COL11A2: variants seen among roughly 807,000 people sequenced by gnomAD.
The protein encoded by COL11A2 is collagen alpha-2(XI) chain.
A neutral mutation model predicts 273.4 loss-of-function variants in COL11A2; 116 were observed. The observed-to-expected ratio is 0.42, with a 90% CI of 0.36 to 0.49. The LOEUF (loss-of-function observed/expected upper bound fraction) is 0.49. COL11A2 is among the 20% of genes least tolerant of loss of function. The probability of loss-of-function intolerance (pLI) is 0.00; values close to 1 mark genes in which losing one functional copy is unlikely to be tolerated. For missense variants in COL11A2, 1,866 were observed against 2,309.0 expected, an observed-to-expected ratio of 0.81 and a Z score of 3.93; for synonymous variants, 782 against 864.2, an observed-to-expected ratio of 0.90 and a Z score of 1.67.
chr6:33,169,703 G>C lies in COL11A2; in HGVS notation c.3690+128C>G. 1 of 1,263,610 alleles carries C rather than the reference G, an allele frequency of 7.9e-7. No homozygotes were observed. The highest frequency in any genetic ancestry group is 1.2e-6 in the Non-Finnish European group (1 of 862,336). The allele number at this position is 1,263,610 out of a possible 1,614,324, so 78.3% of individuals were successfully genotyped here. On this transcript the variant is annotated intron_variant, in intron 50 of 65. Transcript: ENST00000341947. This position sits in a 1 kb window ranked among gnomAD's most constrained non-coding sequence, Gnocchi z 5.5. ...CTCAGACCAGGGATCAGGCCTCATA[G>C]AGGATGGCAGGGAGCAGAGACTCTT... is the stretch of plus-strand genomic sequence containing the variant.
In COL11A2 at chr6:33,163,354, A is replaced by T; in HGVS notation, c.*324T>A. On this transcript the variant is annotated 3_prime_UTR_variant, in exon 66 of 66. Coordinates refer to ENST00000341947, the MANE Select transcript of COL11A2 (RefSeq NM_080680.3). The surrounding 1 kb of genome is among the most constrained non-coding windows in gnomAD (Gnocchi z 4.1). ...TTAAATAATTAATACAATTACTTTT[A>T]AATACAAAATACGCCATGTCCTTTC... is the stretch of plus-strand genomic sequence containing the variant. The T allele has an allele frequency of 2.3e-6, 1 of 427,850 alleles. No individual in the cohort carries two copies. Among genetic ancestry groups the T allele is most frequent in the Non-Finnish European group, 4.2e-6 (1 of 239,582 alleles). 26.5% of individuals were successfully genotyped at this position (427,850 alleles called of 1,614,324 possible).
chr6:33,171,014 C>A (rs1769967596), intron 45 of COL11A2, 97 bp from the exon 46 acceptor site: 2 of 1,577,314 alleles, frequency 1.3e-6, no homozygotes, highest in Admixed American at 1.7e-5. Context: ...GGGTGCCAGG[C>A]CCAGAGCCCC....
At position 33,164,239 on chromosome 6, in the gene COL11A2, C is replaced by G; in HGVS notation, c.5070+28G>C. 6.2e-7 allele frequency: 1 copy of G among 1,611,568 alleles called. No individual in the cohort carries two copies. Among genetic ancestry groups the G allele is most frequent in the Middle Eastern group, 1.6e-4 (1 of 6,062 alleles). Reference sequence around the variant, plus strand: ...TCCTCCAGCCTGAGTCTGAGATCAGCCCCCAACCCAGCTCTTCCTGTTCCC... The same window carrying G: ...TCCTCCAGCCTGAGTCTGAGATCAGGCCCCAACCCAGCTCTTCCTGTTCCC... On this transcript the variant is annotated intron_variant, in intron 65 of 65. Transcript: ENST00000341947. This position sits in a 1 kb window ranked among gnomAD's most constrained non-coding sequence, Gnocchi z 4.7.
chr6:33,186,384 A>T, intron 5 of COL11A2: 1 of 1,409,930 alleles, frequency 7.1e-7, no homozygotes, highest in Non-Finnish European at 9.2e-7. Context: ...ACCCAGGGAC[A>T]CAGTTCCAGG....
chr6:33,192,478 A>G, upstream of COL11A2: 1 of 559,956 alleles, frequency 1.8e-6, no homozygotes, highest in Non-Finnish European at 3.2e-6. Context: ...GTCCCCGGCC[A>G]CCCTGGCGCC....
At chr6:33,188,076 T>C (rs1246701267) in intron 4 of COL11A2, among the ~76,000 whole-genome samples, 1 of 149,882 alleles carries the variant, frequency 6.7e-6, no homozygotes, top group Non-Finnish European at 1.5e-5. Context: ...AGTGAGTGAA[T>C]TGATGGGTGG....
intron 12 of COL11A2, among the ~76,000 whole-genome samples, 172 bp downstream of exon 12, chr6:33,180,086 A>G (rs1771519285): frequency 6.6e-6 from 1 of 152,128 alleles, no homozygotes; most frequent in African/African-American, 2.4e-5. Flanking sequence ...GTTCTAGGTC[A>G]CCTAATGAGG....
At position 33,176,627 on chromosome 6, in the gene COL11A2, A is replaced by C. The variant is rs1203454896; in HGVS notation, c.2115+94T>G. On this transcript the variant is annotated intron_variant, in intron 26 of 65. Transcript: ENST00000341947. The surrounding 1 kb of genome is among the most constrained non-coding windows in gnomAD (Gnocchi z 4.9). The stretch of plus-strand genomic sequence containing the variant: ...CAGGAATTGAGAATGTGGCAGAGCC[A>C]TATGAATAATGAGACAAGGGAATCC... 2.8e-6 allele frequency: 4 copies of C among 1,407,914 alleles called. No homozygotes were observed. The African/African-American group carries it at 5.7e-5, about 20-fold the overall frequency. The allele number at this position is 1,407,914 out of a possible 1,614,324, so 87.2% of individuals were successfully genotyped here.
Position 33,173,044 on chromosome 6 carries a change from C to T in COL11A2, c.2790+16G>A. The T allele has an allele frequency of 6.2e-7, 1 of 1,612,280 alleles. No individual in the cohort carries two copies. The highest frequency in any genetic ancestry group is 1.3e-5 in the African/African-American group (1 of 74,992). On this transcript the variant is annotated intron_variant, in intron 38 of 65. Transcript: ENST00000341947. This position sits in a 1 kb window ranked among gnomAD's most constrained non-coding sequence, Gnocchi z 6.3. ...GCTAGGGTCAGGGGTCCATTCTCTCCTAGGGACAAACCTACCTGAGGTCCC... is the reference window on the plus strand; with the variant it reads ...GCTAGGGTCAGGGGTCCATTCTCTCTTAGGGACAAACCTACCTGAGGTCCC...
In COL11A2 at chr6:33,178,219, A is replaced by G; in HGVS notation, c.1819-34T>C. The G allele has an allele frequency of 6.2e-7, 1 of 1,612,538 alleles. No individual in the cohort carries two copies. Among genetic ancestry groups the G allele is most frequent in the Non-Finnish European group, 8.5e-7 (1 of 1,179,770 alleles). On this transcript the variant is annotated intron_variant, in intron 20 of 65. Transcript: ENST00000341947. The surrounding 1 kb of genome is among the most constrained non-coding windows in gnomAD (Gnocchi z 4.6). ...ACGGTGAGGGGAGGAGACGGCATGA[A>G]TGGATAAAACTGTGTCCCTTTAGTG...
intron 8 of COL11A2, among the ~76,000 whole-genome samples, chr6:33,182,889 C>T (rs1315159319): frequency 6.6e-6 from 1 of 152,086 alleles, no homozygotes; most frequent in East Asian, 1.9e-4. Flanking sequence ...TCACCACCAC[C>T]CCAACTCCCC....
chr6:33,174,279 G>T, intron 31 of COL11A2, 61 bp from the exon 32 acceptor site: 2 of 1,545,712 alleles, frequency 1.3e-6, no homozygotes, highest in Non-Finnish European at 1.8e-6. Context: ...TCAGGAAGGG[G>T]CAAAGGGGGT....
chr6:33,163,614 A>T lies in COL11A2; in HGVS notation c.*64T>A. 1 of 1,611,938 alleles carries T rather than the reference A, an allele frequency of 6.2e-7. No individual in the cohort carries two copies. The highest frequency in any genetic ancestry group is 8.5e-7 in the Non-Finnish European group (1 of 1,179,080). On this transcript the variant is annotated 3_prime_UTR_variant, in exon 66 of 66. Transcript: ENST00000341947. The surrounding 1 kb of genome is among the most constrained non-coding windows in gnomAD (Gnocchi z 4.1). ...GGAGCCCTCTTGGGAGGTGGCACAG[A>T]GCTGATGTTGTGGGATTCCAGGTGG...
rs144358662 is a variant in COL11A2 at position 33,170,212 on chromosome 6, C to T, written c.3583-112G>A. On this transcript the variant is annotated intron_variant, in intron 48 of 65. Coordinates refer to ENST00000341947, the MANE Select transcript of COL11A2 (RefSeq NM_080680.3). This position sits in a 1 kb window ranked among gnomAD's most constrained non-coding sequence, Gnocchi z 4.3. ...CAGCAGTGAGGCAGTGGAGGCCTCCCGGGAGTAAGGGCTTCTCTTGGCCCC... is the reference window on the plus strand; with the variant it reads ...CAGCAGTGAGGCAGTGGAGGCCTCCTGGGAGTAAGGGCTTCTCTTGGCCCC... 11 of 1,575,274 alleles carry T rather than the reference C, an allele frequency of 7.0e-6. No homozygotes were observed. Among genetic ancestry groups the T allele is most frequent in the South Asian group, 3.3e-5 (3 of 89,912 alleles).
At chr6:33,192,806 G>A (rs939321205), upstream of COL11A2, among the ~76,000 whole-genome samples, 2 of 152,100 alleles carry the variant, frequency 1.3e-5, no homozygotes, top group African/African-American at 4.8e-5. Context: ...GGGATTTAGG[G>A]CACAGTGGGA....
In COL11A2 at chr6:33,166,256, G is replaced by A. The variant is rs775479055; in HGVS notation, c.4393-50C>T. ...GACGGTCACTGCAGGGGAAGGACAG[G>A]ACTCAGAGGAGCGGGGAGGCAAGGT... On this transcript the variant is annotated intron_variant, in intron 60 of 65. Transcript: ENST00000341947. This position sits in a 1 kb window ranked among gnomAD's most constrained non-coding sequence, Gnocchi z 4.8. The A allele has an allele frequency of 8.9e-6, 14 of 1,573,564 alleles. No individual in the cohort carries two copies. Among genetic ancestry groups the A allele is most frequent in the Non-Finnish European group, 1.1e-5 (13 of 1,159,528 alleles).
At position 33,173,778 on chromosome 6, in the gene COL11A2, G is replaced by T. The variant is rs984745587; in HGVS notation, c.2584-33C>A. 1.9e-6 allele frequency: 3 copies of T among 1,606,970 alleles called. No homozygotes were observed. The African/African-American group carries it at 4.0e-5, about 22-fold the overall frequency. On this transcript the variant is annotated intron_variant, in intron 34 of 65. Transcript: ENST00000341947. This position sits in a 1 kb window ranked among gnomAD's most constrained non-coding sequence, Gnocchi z 6.3. Reference sequence around the variant, plus strand: ...GGGAAACAGAGTCAAGGAGTGGGAAGAGCTGCTTTCCAGCTGTCCCCGAGG... The same window carrying T: ...GGGAAACAGAGTCAAGGAGTGGGAATAGCTGCTTTCCAGCTGTCCCCGAGG...
Position 33,178,369 on chromosome 6 carries a change from C to T in COL11A2, c.1774-17G>A, listed in dbSNP as rs772618191. On this transcript the variant is annotated splice_polypyrimidine_tract_variant and intron_variant, in intron 19 of 65. Transcript: ENST00000341947. This position sits in a 1 kb window ranked among gnomAD's most constrained non-coding sequence, Gnocchi z 4.6. ...GTCATCTCCCTGGAGGAGGAGGACACGGTAAAGCTGCTGTGCCTTCTAGAC... is the reference window on the plus strand; with the variant it reads ...GTCATCTCCCTGGAGGAGGAGGACATGGTAAAGCTGCTGTGCCTTCTAGAC... The T allele has an allele frequency of 3.2e-5, 52 of 1,612,746 alleles. No individual in the cohort carries two copies. Among genetic ancestry groups the T allele is most frequent in the South Asian group, 1.2e-4 (11 of 91,074 alleles).
At chr6:33,172,266 A>T (rs1335130119) in intron 40 of COL11A2, 23 bp downstream of exon 40, 5 of 1,584,496 alleles carry the variant, frequency 3.2e-6, no homozygotes, top group African/African-American at 1.3e-5. Flanking sequence ...TGTGACAGGC[A>T]GGGGTCTGGG....
Sources: gnomAD v4.1 joint callset for allele counts (sites outside exome capture counted in the v4.1 genomes callset) on GRCh38, gnomAD v4.1.1 for gene constraint, Gnocchi (gnomAD v3.1) non-coding constraint, MANE v1.5 for transcripts, NCBI Gene and HGNC (gene_info 2026-07-23, HGNC 2026-07-21) for gene names.